SHROOM3: variants seen among roughly 807,000 people sequenced by gnomAD.
The protein encoded by SHROOM3 is protein Shroom3.
In SHROOM3, 47 loss-of-function variants were observed where a neutral mutation model predicts 138.6. The ratio of observed to expected loss-of-function variants is 0.34; its 90% confidence interval spans 0.27 to 0.43. The LOEUF (loss-of-function observed/expected upper bound fraction) is 0.43. Ranked by LOEUF, SHROOM3 falls within the 20% of genes least tolerant of loss-of-function variation. The pLI, the probability that SHROOM3 is intolerant of heterozygous loss-of-function variation, is 1.00. For synonymous variants in SHROOM3, 1,062 were observed against 1,063.3 expected (o/e 1.00, Z 0.02); for missense variants, 2,491 against 2,596.5 (o/e 0.96, Z 0.88).
At chr4:76,718,580 T>A (rs1294749623) in intron 3 of SHROOM3, among the ~76,000 whole-genome samples, 2 of 152,216 alleles carry the variant, frequency 1.3e-5, no homozygotes, top group Non-Finnish European at 2.9e-5. Flanking sequence ...TGTTTTCTTA[T>A]TGCCTCTAAT....
At chr4:76,628,313 C>CT (rs1179021104) in intron 2 of SHROOM3, among the ~76,000 whole-genome samples, 1 of 151,902 alleles carries the variant, frequency 6.6e-6, no homozygotes, top group Non-Finnish European at 1.5e-5. Flanking sequence ...TTCTGAAATC[C>CT]TTGGTTCACT....
In SHROOM3 at chr4:76,741,029, G is replaced by A; in HGVS notation, c.2856G>A (p.Val952=). Residue 952 remains valine, a synonymous_variant, in exon 5 of 11, where the codon GTG becomes GTA. Transcript: ENST00000296043. This position sits in a 1 kb window ranked among gnomAD's most constrained non-coding sequence, Gnocchi z 6.2. ...RRRDLELGAP[V]ASRSWRPRPS... Reference sequence around the variant, plus strand: ...GAGACCTGGAGCTGGGGGCGCCCGTGGCGTCGAGGTCCTGGCGGCCACGGC... The same window carrying A: ...GAGACCTGGAGCTGGGGGCGCCCGTAGCGTCGAGGTCCTGGCGGCCACGGC... 6.7e-7 allele frequency: 1 copy of A among 1,485,924 alleles called. No individual in the cohort carries two copies. The highest frequency in any genetic ancestry group is 8.9e-7 in the Non-Finnish European group (1 of 1,122,228). The allele number at this position is 1,485,924 out of a possible 1,614,324, so 92.0% of individuals were successfully genotyped here.
At position 76,772,006 on chromosome 4, in the gene SHROOM3, G is replaced by A. The variant is rs573963896; in HGVS notation, c.5622+1108G>A. Among the ~76,000 whole-genome samples the A allele has an allele frequency of 3.3e-5, 5 of 152,058 alleles. No homozygotes were observed. The East Asian group carries it at 9.6e-4, about 29-fold the overall frequency. ...TTTTATATATATGTGCACACAGTATGTGTGTGTATGTGTATATACATGCTA... is the reference window on the plus strand; with the variant it reads ...TTTTATATATATGTGCACACAGTATATGTGTGTATGTGTATATACATGCTA... On this transcript the variant is annotated intron_variant, in intron 10 of 10. Coordinates refer to ENST00000296043, the MANE Select transcript of SHROOM3 (RefSeq NM_020859.4).
At chr4:76,593,481 T>A (rs1431704664) in intron 2 of SHROOM3, among the ~76,000 whole-genome samples, 2 of 152,236 alleles carry the variant, frequency 1.3e-5, no homozygotes, top group Admixed American at 6.5e-5. Context: ...CCACCCACGA[T>A]GACTGGCCCT....
intron 2 of SHROOM3, among the ~76,000 whole-genome samples, chr4:76,633,661 AAAAAAAAAAAAAAAAAAG>A (rs1451356303): frequency 8.1e-6 from 1 of 123,228 alleles, no homozygotes; most frequent in Non-Finnish European, 1.7e-5. Context: ...CGTCTCAAAA[AAAAAAAAAAAAAAAAAAG>A]AAAAGAAATT....
intron 1 of SHROOM3, among the ~76,000 whole-genome samples, chr4:76,488,777 A>G (rs1731788666): frequency 6.6e-6 from 1 of 152,248 alleles, no homozygotes; most frequent in Non-Finnish European, 1.5e-5. Flanking sequence ...ATAGCTCTTA[A>G]TCATATGTCA....
chr4:76,533,998 A>C (rs566339586), intron 1 of SHROOM3, among the ~76,000 whole-genome samples: 12 of 152,320 alleles, frequency 7.9e-5, no homozygotes, highest in Middle Eastern at 6.8e-3. Context: ...GCATCATTCC[A>C]CACCTGTAAA....
chr4:76,745,449 G>A (rs1384998104), intron 5 of SHROOM3, among the ~76,000 whole-genome samples: 1 of 152,200 alleles, frequency 6.6e-6, no homozygotes, highest in Non-Finnish European at 1.5e-5. Context: ...CTATGAGATG[G>A]TGTGACAAAC....
chr4:76,456,716 C>T (rs536402332), intron 1 of SHROOM3, among the ~76,000 whole-genome samples: 2 of 152,248 alleles, frequency 1.3e-5, no homozygotes, highest in Admixed American at 6.5e-5. Flanking sequence ...TTGTTTCATG[C>T]GCGTCCGTGT....
At chr4:76,671,789 T>G (rs1405528938) in intron 2 of SHROOM3, among the ~76,000 whole-genome samples, 1 of 152,232 alleles carries the variant, frequency 6.6e-6, no homozygotes, top group African/African-American at 2.4e-5. Flanking sequence ...AAGTATCTCT[T>G]ATCCTACATG....
At position 76,471,883 on chromosome 4, in the gene SHROOM3, T is replaced by C. The variant is rs1017069129; in HGVS notation, c.168+35663T>C. On this transcript the variant is annotated intron_variant, in intron 1 of 10. Coordinates refer to ENST00000296043, the MANE Select transcript of SHROOM3 (RefSeq NM_020859.4). ...GGGCATCAGAGTTACCTAGGAAGAG[T>C]TGGGGGTTGTATTTTGCAGTCTCTG... Among the ~76,000 whole-genome samples the C allele has an allele frequency of 3.4e-5, 5 of 148,392 alleles. No individual in the cohort carries two copies. The South Asian group carries it at 1.1e-3, about 32-fold the overall frequency.
chr4:76,590,525 T>TA lies in SHROOM3; in HGVS notation c.323+34764dup, dbSNP rs1272195294. Among the ~76,000 whole-genome samples, 31 of 149,076 alleles carry TA rather than the reference T, an allele frequency of 2.1e-4. 1 individual carries two copies. In the South Asian group the frequency reaches 6.4e-3, roughly 31 times the overall value. On this transcript the variant is annotated intron_variant, in intron 2 of 10. Coordinates refer to ENST00000296043, the MANE Select transcript of SHROOM3 (RefSeq NM_020859.4). ...AGAATGGTGCTTTTTTTTTTTTTTTTAATTAAAATTAACTCACACAAAACC... is the reference window on the plus strand; with the variant it reads ...AGAATGGTGCTTTTTTTTTTTTTTTTAAATTAAAATTAACTCACACAAAACC...
At chr4:76,684,652 A>C (rs1474529827) in intron 2 of SHROOM3, among the ~76,000 whole-genome samples, 1 of 152,204 alleles carries the variant, frequency 6.6e-6, no homozygotes, top group African/African-American at 2.4e-5. Flanking sequence ...AACAACAGAA[A>C]ACCTGGAGGT....
intron 1 of SHROOM3, among the ~76,000 whole-genome samples, chr4:76,449,263 C>A (rs1266350369): frequency 6.6e-6 from 1 of 152,124 alleles, no homozygotes; most frequent in Non-Finnish European, 1.5e-5. Context: ...GAGAGAAATT[C>A]TTTTCTAGAA....
In SHROOM3 at chr4:76,739,845, C is replaced by T; in HGVS notation, c.1672C>T (p.His558Tyr). The T allele has an allele frequency of 1.2e-6, 2 of 1,614,220 alleles. No homozygotes were observed. Among genetic ancestry groups the T allele is most frequent in the East Asian group, 2.2e-5 (1 of 44,874 alleles). The change falls in exon 5 of 11, where the codon CAT becomes TAT. Residue 558 changes from histidine (H) to tyrosine (Y), a missense_variant. His to Tyr is a moderately conservative substitution (Grantham distance 83). Around this residue, in one of 4 missense-constraint regions of SHROOM3, gnomAD observed 1,733 missense variants for 1,661.6 expected, o/e 1.04. Coordinates refer to ENST00000296043, the MANE Select transcript of SHROOM3 (RefSeq NM_020859.4). The stretch of plus-strand genomic sequence containing the variant: ...AGCCAAGTATGTCCCCTCCAAAGTC[C>T]ATTTCTGTTCAGTGCCTGAAAATGA... ...ATAKYVPSKV[H>Y]FCSVPENEED...
intron 1 of SHROOM3, among the ~76,000 whole-genome samples, chr4:76,485,383 A>T (rs893207515): frequency 6.6e-6 from 1 of 152,238 alleles, no homozygotes; most frequent in African/African-American, 2.4e-5. Flanking sequence ...GAGAAGAGTT[A>T]TATGTTTAGT....
At position 76,770,611 on chromosome 4, in the gene SHROOM3, T is replaced by G. The variant is rs7660736; in HGVS notation, c.5350-15T>G. 3 of 1,613,322 alleles carry G rather than the reference T, an allele frequency of 1.9e-6. No homozygotes were observed. Among genetic ancestry groups the G allele is most frequent in the Non-Finnish European group, 1.7e-6 (2 of 1,179,990 alleles). On this transcript the variant is annotated splice_polypyrimidine_tract_variant and intron_variant, in intron 9 of 10. Transcript: ENST00000296043. ...TCCTGTTGGCTGATCTTTGCGGTCT[T>G]ATCTGTCATTTCAGGCTGAGCTCAT...
intron 2 of SHROOM3, among the ~76,000 whole-genome samples, chr4:76,563,936 A>AGTGT (rs1447860962): frequency 6.6e-6 from 1 of 152,228 alleles, no homozygotes; most frequent in Non-Finnish European, 1.5e-5. Flanking sequence ...GCAGGAAGGC[A>AGTGT]GTGTGTCCCC....
In SHROOM3 at chr4:76,547,997, G is replaced by A. The variant is rs560223997; in HGVS notation, c.169-7612G>A. Among the ~76,000 whole-genome samples the A allele has an allele frequency of 7.9e-5, 12 of 151,100 alleles. 1 individual carries two copies. In the South Asian group the frequency reaches 1.5e-3, roughly 19 times the overall value. On this transcript the variant is annotated intron_variant, in intron 1 of 10. Coordinates refer to ENST00000296043, the MANE Select transcript of SHROOM3 (RefSeq NM_020859.4). ...AGTGTTAATGAGAAAATAACAATGC[G>A]GAGGAAGATAAGTAGTATTAGGGGA...
Sources: gnomAD v4.1 joint callset for allele counts (sites outside exome capture counted in the v4.1 genomes callset) on GRCh38, gnomAD v4.1.1 for gene constraint, gnomAD v4.1.1 regional missense constraint, Gnocchi (gnomAD v3.1) non-coding constraint, MANE v1.5 for transcripts, NCBI Gene and HGNC (gene_info 2026-07-23, HGNC 2026-07-21) for gene names.